Variants in TCOF1 observed in about 807,000 individuals in gnomAD.
TCOF1 encodes the protein treacle ribosome biogenesis factor 1, also known as treacle protein.
In TCOF1, 33 loss-of-function variants were observed where a neutral mutation model predicts 149.0. The observed-to-expected ratio is 0.22, with a 90% CI of 0.17 to 0.30. The LOEUF (loss-of-function observed/expected upper bound fraction) is 0.30, where lower values mean the gene tolerates loss of function less well. Among genes scored for constraint, TCOF1 ranks in the 10% least tolerant of loss-of-function variants. TCOF1 has a pLI of 1.00. For missense variants in TCOF1, 1,728 were observed against 1,840.7 expected (o/e 0.94, Z 1.12); for synonymous variants, 789 against 738.8 (o/e 1.07, Z -1.10).
At chr5:150,377,415 C>G (rs1764057126) in intron 14 of TCOF1, among the ~76,000 whole-genome samples, 1 of 152,186 alleles carries the variant, frequency 6.6e-6, no homozygotes, top group South Asian at 2.1e-4. Flanking sequence ...ATGGGCCAGG[C>G]TAATGTGGAA....
In TCOF1 at chr5:150,374,308, A is replaced by C. The variant is rs748309561; in HGVS notation, c.1005A>C (p.Pro335=). Residue 335 remains proline, a synonymous_variant, in exon 8 of 27, where the codon CCA becomes CCC. Coordinates refer to ENST00000643257, the MANE Select transcript of TCOF1 (RefSeq NM_001371623.1). ...CCTCCCAGACCAAGGCAGGGAAGCCAGAGGAGGACTCAGAGAGCAGCAGCG... is the reference window on the plus strand; with the variant it reads ...CCTCCCAGACCAAGGCAGGGAAGCCCGAGGAGGACTCAGAGAGCAGCAGCG... ...AVASQTKAGK[P]EEDSESSSEE... 26 of 1,585,140 alleles carry C rather than the reference A, an allele frequency of 1.6e-5. No homozygotes were observed. In the South Asian group the frequency reaches 2.5e-4, roughly 15 times the overall value.
At position 150,399,206 on chromosome 5, in the gene TCOF1, A is replaced by G; in HGVS notation, c.*22+136A>G. 2.4e-6 allele frequency: 3 copies of G among 1,244,972 alleles called. No individual in the cohort carries two copies. The South Asian group carries it at 3.8e-5, about 16-fold the overall frequency. 77.1% of individuals were successfully genotyped at this position (1,244,972 alleles called of 1,614,324 possible). A position where few individuals can be genotyped will look rare whatever the true frequency, so the allele number is the denominator to read the frequency against. On this transcript the variant is annotated intron_variant, in intron 26 of 26. Coordinates refer to ENST00000643257, the MANE Select transcript of TCOF1 (RefSeq NM_001371623.1). ...GGCTGGGGAAAGAGGTTCTGTTGCC[A>G]AGGGTCCATGGGGCCACTGGGGTGA...
intron 20 of TCOF1, 73 bp downstream of exon 20, chr5:150,391,730 C>T: frequency 7.1e-7 from 1 of 1,414,274 alleles, no homozygotes; most frequent in African/African-American, 1.4e-5. Flanking sequence ...CATCGCGGCA[C>T]CAGCACTCAT....
At position 150,375,619 on chromosome 5, in the gene TCOF1, C is replaced by T. The variant is rs544234398; in HGVS notation, c.1704+65C>T. On this transcript the variant is annotated intron_variant, in intron 11 of 26. Coordinates refer to ENST00000643257, the MANE Select transcript of TCOF1 (RefSeq NM_001371623.1). ...CACTCAGAGTGGAGCTGCCTGTGGC[C>T]TCCCAACCTCACACTGGGACTCTGT... is the stretch of plus-strand genomic sequence containing the variant. The T allele has an allele frequency of 2.6e-5, 42 of 1,612,284 alleles. No individual in the cohort carries two copies. The South Asian group carries it at 4.4e-4, about 17-fold the overall frequency.
At chr5:150,389,806 C>G in intron 18 of TCOF1, 81 bp from the exon 19 acceptor site, 2 of 1,609,088 alleles carry the variant, frequency 1.2e-6, no homozygotes, top group Non-Finnish European at 1.7e-6. Flanking sequence ...CAGCACAGGC[C>G]GGTAAATTGG....
chr5:150,379,963 TCGGGAGG>T, intron 17 of TCOF1: 1 of 498,268 alleles, frequency 2.0e-6, no homozygotes. Context: ...TCCCAGCTAC[TCGGGAGG>T]CTGAGGCAGG....
At chr5:150,361,918 T>C (rs1031325575) in intron 2 of TCOF1, among the ~76,000 whole-genome samples, 1 of 152,148 alleles carries the variant, frequency 6.6e-6, no homozygotes, top group Non-Finnish European at 1.5e-5. Context: ...GAATTTTGTC[T>C]TTATCCAAGA....
intron 18 of TCOF1, among the ~76,000 whole-genome samples, chr5:150,388,379 G>GT (rs1766716222): frequency 6.6e-6 from 1 of 152,206 alleles, no homozygotes; most frequent in Non-Finnish European, 1.5e-5. Flanking sequence ...AAAGAATTCT[G>GT]TATCAGTTGA....
chr5:150,387,172 A>C (rs2150971489), intron 17 of TCOF1, among the ~76,000 whole-genome samples: 1 of 152,312 alleles, frequency 6.6e-6, no homozygotes, highest in Middle Eastern at 3.4e-3. Flanking sequence ...ATACAGTGTC[A>C]CACCTAATAA....
rs56287670 is a variant in TCOF1 at position 150,390,125 on chromosome 5, G to C, written c.3183+102G>C. ...TGGGATGGCCTGCAATTGCTGTCAC[G>C]CCCACACTCCAGAGGTCGTGGCCTC... On this transcript the variant is annotated intron_variant, in intron 19 of 26. Transcript: ENST00000643257. 0.075 allele frequency: 114,892 copies of C among 1,524,274 alleles called. 4,779 individuals are homozygous for C. The highest frequency in any genetic ancestry group is 0.15 in the African/African-American group (10,595 of 72,590). 94.4% of individuals were successfully genotyped at this position (1,524,274 alleles called of 1,614,324 possible).
intron 2 of TCOF1, among the ~76,000 whole-genome samples, chr5:150,362,409 T>G (rs1274621593): frequency 6.6e-6 from 1 of 152,134 alleles, no homozygotes; most frequent in Non-Finnish European, 1.5e-5. Context: ...AGTACTGAAT[T>G]GCCTTGGATG....
chr5:150,357,878 G>GAGGGCCGCGTGCA, intron 1 of TCOF1, 24 bp downstream of exon 1: 1 of 1,546,490 alleles, frequency 6.5e-7, no homozygotes, highest in Non-Finnish European at 8.7e-7. Flanking sequence ...GGCCGTGTGC[G>GAGGGCCGCGTGCA]AGGGCCGCGT....
At chr5:150,378,530 G>C (rs1297837891) in intron 14 of TCOF1, 2 of 297,346 alleles carry the variant, frequency 6.7e-6, no homozygotes, top group Admixed American at 5.0e-5. Context: ...CTATGAGCCA[G>C]AATTTAATGA....
chr5:150,396,907 C>A, intron 24 of TCOF1, 65 bp downstream of exon 24: 2 of 1,532,070 alleles, frequency 1.3e-6, no homozygotes, highest in Non-Finnish European at 8.8e-7. Context: ...GCGGGAGGGA[C>A]CCTCAGCCAG....
In TCOF1 at chr5:150,379,163, T is replaced by C; in HGVS notation, c.2479-66T>C. 1.4e-5 allele frequency: 22 copies of C among 1,613,898 alleles called. No homozygotes were observed. In the South Asian group the frequency reaches 2.2e-4, roughly 16 times the overall value. On this transcript the variant is annotated intron_variant, in intron 15 of 26. Transcript: ENST00000643257. ...AGGCCACCCACCCAGAGTTGTGCCA[T>C]AGTGGGGAGTGGGACCTGAAAGGAA... is the stretch of plus-strand genomic sequence containing the variant.
At chr5:150,364,066 G>C in intron 2 of TCOF1, 47 bp from the exon 3 acceptor site, 7 of 1,613,602 alleles carry the variant, frequency 4.3e-6, no homozygotes, top group Non-Finnish European at 5.9e-6. Flanking sequence ...TTCTTGTGGA[G>C]TTGTTCTGTC....
intron 10 of TCOF1, 54 bp from the exon 11 acceptor site, chr5:150,375,281 CCTCA>C (rs1256733750): frequency 3.7e-5 from 59 of 1,603,964 alleles, no homozygotes; most frequent in Middle Eastern, 2.2e-4. Context: ...GCTCTCCTCC[CCTCA>C]CTCACATTCT....
chr5:150,390,093 G>A, intron 19 of TCOF1, 70 bp downstream of exon 19: 1 of 1,548,600 alleles, frequency 6.5e-7, no homozygotes, highest in Non-Finnish European at 8.7e-7. Context: ...TTACCCACAT[G>A]TGCTGATGGG....
At chr5:150,390,784 A>G (rs1452828554) in intron 19 of TCOF1, among the ~76,000 whole-genome samples, 1 of 152,204 alleles carries the variant, frequency 6.6e-6, no homozygotes, top group Non-Finnish European at 1.5e-5. Flanking sequence ...TGGTCACTGC[A>G]TCCATGAGCA....
Sources: gnomAD v4.1 joint callset for allele counts (sites outside exome capture counted in the v4.1 genomes callset) on GRCh38, gnomAD v4.1.1 for gene constraint, MANE v1.5 for transcripts, NCBI Gene and HGNC (gene_info 2026-07-23, HGNC 2026-07-21) for gene names.